SPHKAP: variants seen among roughly 807,000 people sequenced by gnomAD.
The protein encoded by SPHKAP is A-kinase anchor protein SPHKAP.
In SPHKAP, 67 loss-of-function variants were observed where a neutral mutation model predicts 137.5. That is an observed-to-expected ratio of 0.49 (90% CI 0.40 to 0.60). The LOEUF (loss-of-function observed/expected upper bound fraction) is 0.60, where lower values mean the gene tolerates loss of function less well. Among genes scored for constraint, SPHKAP ranks in the 20% least tolerant of loss-of-function variants. SPHKAP has a pLI of 0.00. For synonymous variants in SPHKAP, 813 were observed against 785.3 expected (o/e 1.04, Z -0.59); for missense variants, 2,097 against 2,069.3 (o/e 1.01, Z -0.26).
chr2:228,004,977 CTA>C (rs1694068410), intron 7 of SPHKAP, among the ~76,000 whole-genome samples: 1 of 151,924 alleles, frequency 6.6e-6, no homozygotes, highest in African/African-American at 2.4e-5. Context: ...TTACTTCCAA[CTA>C]TGTGAATTTT....
At chr2:228,142,592 G>T (rs1380198310) in intron 1 of SPHKAP, among the ~76,000 whole-genome samples, 2 of 152,070 alleles carry the variant, frequency 1.3e-5, no homozygotes, top group African/African-American at 2.4e-5. Flanking sequence ...GCAAACTAAC[G>T]CAGGAAGAGA....
chr2:228,001,824 G>GT (rs1222195185), intron 7 of SPHKAP, among the ~76,000 whole-genome samples: 1 of 151,540 alleles, frequency 6.6e-6, no homozygotes, highest in African/African-American at 2.4e-5. Flanking sequence ...GAAGTGTTTG[G>GT]TTTTTTTTCC....
chr2:228,040,242 C>G (rs1355105269), intron 3 of SPHKAP, among the ~76,000 whole-genome samples: 1 of 152,174 alleles, frequency 6.6e-6, no homozygotes, highest in African/African-American at 2.4e-5. Context: ...TGGGATATGA[C>G]AGCATCTCTT....
chr2:228,035,103 A>T (rs1175616342), intron 3 of SPHKAP, among the ~76,000 whole-genome samples: 21 of 148,510 alleles, frequency 1.4e-4, no homozygotes, highest in Non-Finnish European at 2.8e-4. Context: ...CCCTGTTTGC[A>T]GATGACATGA....
In SPHKAP at chr2:228,027,906, C is replaced by A. The variant is rs187371523; in HGVS notation, c.247-363G>T. The A allele has an allele frequency of 7.0e-5, 41 of 585,780 alleles. No homozygotes were observed. The African/African-American group carries it at 8.6e-4, about 12-fold the overall frequency. 36.3% of individuals were successfully genotyped at this position (585,780 alleles called of 1,614,324 possible). On this transcript the variant is annotated intron_variant, in intron 3 of 11. Transcript: ENST00000392056. ...GCTTGAACCCAGGAGGCGGAGGTTG[C>A]AGTGAGCCGAGGTCATGCCCACTCC...
intron 3 of SPHKAP, among the ~76,000 whole-genome samples, chr2:228,050,529 G>T (rs1423538088): frequency 6.6e-6 from 1 of 152,162 alleles, no homozygotes; most frequent in Admixed American, 6.5e-5. Flanking sequence ...ATACATATTA[G>T]ATGTACCTGT....
chr2:228,040,574 CTT>C (rs994874588), intron 3 of SPHKAP, among the ~76,000 whole-genome samples: 1 of 152,084 alleles, frequency 6.6e-6, no homozygotes, highest in Non-Finnish European at 1.5e-5. Flanking sequence ...TCCAGCTTCT[CTT>C]TTTTTATTGT....
intron 3 of SPHKAP, among the ~76,000 whole-genome samples, chr2:228,044,916 C>A (rs1695978776): frequency 6.6e-6 from 1 of 152,074 alleles, no homozygotes; most frequent in South Asian, 2.1e-4. Context: ...TAACAAACAA[C>A]CCCATCAAAA....
chr2:228,180,101 A>G (rs1180308754), intron 1 of SPHKAP, among the ~76,000 whole-genome samples: 1 of 152,154 alleles, frequency 6.6e-6, no homozygotes, highest in Non-Finnish European at 1.5e-5. Context: ...AAAATCGGCA[A>G]AATGGAAAGA....
At chr2:228,105,926 T>C (rs960560203) in intron 3 of SPHKAP, among the ~76,000 whole-genome samples, 1 of 152,182 alleles carries the variant, frequency 6.6e-6, no homozygotes, top group Non-Finnish European at 1.5e-5. Flanking sequence ...CTAATACACA[T>C]AGCTTTTGAA....
chr2:228,170,810 A>G (rs1700563191), intron 1 of SPHKAP, among the ~76,000 whole-genome samples: 1 of 152,128 alleles, frequency 6.6e-6, no homozygotes, highest in Admixed American at 6.6e-5. Context: ...CAAGCCTACC[A>G]TATCGCTGGG....
At chr2:228,036,940 G>C (rs999161567) in intron 3 of SPHKAP, among the ~76,000 whole-genome samples, 2 of 151,978 alleles carry the variant, frequency 1.3e-5, no homozygotes, top group African/African-American at 4.8e-5. Flanking sequence ...GCTAAGTGAC[G>C]AGTTAATGGG....
Position 228,173,269 on chromosome 2 carries a change from TCA to T in SPHKAP, c.32+8296_32+8297del, listed in dbSNP as rs536498514. ...ATGTGTCATTTGATGGCCAGAAAGA[TCA>T]GTTTTTTGTTCAATTAATGCCTATG... On this transcript the variant is annotated intron_variant, in intron 1 of 11. Transcript: ENST00000392056. 5.2e-4 allele frequency among the ~76,000 whole-genome samples: 79 copies of T among 152,302 alleles called. 1 individual carries two copies. The highest frequency in any genetic ancestry group is 1.9e-3 in the African/African-American group (77 of 41,566).
Position 228,024,361 on chromosome 2 carries a change from TA to T in SPHKAP, c.441+1032del, listed in dbSNP as rs1553614221. ...GAGGCAGTTTTTTTTTTTTTTTTTTTAAATCTGTGAATTCTAGAAAGAAAAC... is the reference window on the plus strand; with the variant it reads ...GAGGCAGTTTTTTTTTTTTTTTTTTTAATCTGTGAATTCTAGAAAGAAAAC... On this transcript the variant is annotated intron_variant, in intron 5 of 11. Coordinates refer to ENST00000392056, the MANE Select transcript of SPHKAP (RefSeq NM_001142644.2). Among the ~76,000 whole-genome samples the T allele has an allele frequency of 6.7e-3, 977 of 145,166 alleles. 4 individuals carry two copies. The highest frequency in any genetic ancestry group is 0.011 in the Non-Finnish European group (697 of 65,800).
rs1209837805 is a variant in SPHKAP at position 228,018,087 on chromosome 2, T to A, written c.2767A>T (p.Ile923Phe). The change falls in exon 7 of 12, where the codon ATC (isoleucine) becomes TTC (phenylalanine). Residue 923 changes from isoleucine (I) to phenylalanine (F), a missense_variant. Physicochemically the swap from Ile to Phe is conservative, Grantham distance 21. Transcript: ENST00000392056. The part of the protein sequence containing the change: ...QSTLQTKHPD[I>F]YCITDFAEEL... The stretch of plus-strand genomic sequence containing the variant: ...TCCGCAAAGTCTGTAATGCAGTAGA[T>A]GTCTGGATGCTTTGTTTGAAGCGTG... 1.9e-6 allele frequency: 3 copies of A among 1,614,072 alleles called. No individual in the cohort carries two copies. Among genetic ancestry groups the A allele is most frequent in the Non-Finnish European group, 2.5e-6 (3 of 1,180,046 alleles).
rs199736842 is a variant in SPHKAP at position 228,045,770 on chromosome 2, A to AAT, written c.247-18229_247-18228dup. On this transcript the variant is annotated intron_variant, in intron 3 of 11. Coordinates refer to ENST00000392056, the MANE Select transcript of SPHKAP (RefSeq NM_001142644.2). ...TAATAATAATAAAAAAAAGAAAAAA[A>AAT]ATAGAATCTGGAGGACATTATGCTA... is the stretch of plus-strand genomic sequence containing the variant. 5.9e-3 allele frequency among the ~76,000 whole-genome samples: 896 copies of AAT among 152,226 alleles called. 8 individuals carry two copies. The highest frequency in any genetic ancestry group is 0.021 in the African/African-American group (857 of 41,504).
chr2:228,141,477 T>C (rs1335348509), intron 1 of SPHKAP, among the ~76,000 whole-genome samples: 1 of 152,210 alleles, frequency 6.6e-6, no homozygotes, highest in Non-Finnish European at 1.5e-5. Context: ...CATTTTCATA[T>C]TCAACATTAA....
At chr2:228,164,429 C>T (rs1356586757) in intron 1 of SPHKAP, among the ~76,000 whole-genome samples, 3 of 152,204 alleles carry the variant, frequency 2.0e-5, no homozygotes, top group African/African-American at 7.2e-5. Flanking sequence ...CCTATTAATG[C>T]TGTCCCTCTG....
intron 1 of SPHKAP, among the ~76,000 whole-genome samples, chr2:228,152,136 C>T (rs1699953251): frequency 6.6e-6 from 1 of 152,072 alleles, no homozygotes; most frequent in African/African-American, 2.4e-5. Context: ...CTTTATTCTC[C>T]ACTATGCATG....
Sources: gnomAD v4.1 joint callset for allele counts (sites outside exome capture counted in the v4.1 genomes callset) on GRCh38, gnomAD v4.1.1 for gene constraint, MANE v1.5 for transcripts, NCBI Gene and HGNC (gene_info 2026-07-23, HGNC 2026-07-21) for gene names.